The following ERLIN2 variants were observed in gnomAD, a reference collection of about 807,000 sequenced individuals.
ERLIN2 encodes ER lipid raft associated 2.
In ERLIN2, 22 loss-of-function variants were observed where a neutral mutation model predicts 41.5. That is an observed-to-expected ratio of 0.53 (90% confidence interval 0.38 to 0.76). The LOEUF is 0.76. Ranked by LOEUF, ERLIN2 falls within the 30% of genes least tolerant of loss-of-function variation. ERLIN2 has a pLI of 0.00. For synonymous variants in ERLIN2, 149 were observed against 150.9 expected (o/e 0.99, Z 0.09); for missense variants, 247 against 414.3 (o/e 0.60, Z 3.51).
In ERLIN2 at chr8:37,758,331, A is replaced by G. The variant is rs1279377975; in HGVS notation, c.*4216A>G. ...CCAAAGTTCAAATCACTGCTCTACT[A>G]CTTCTTAGGTGTGTGGTCTTGAATA... On this transcript the variant is annotated 3_prime_UTR_variant, in exon 12 of 12. Coordinates refer to ENST00000519638, the MANE Select transcript of ERLIN2 (RefSeq NM_007175.8). 6.6e-6 allele frequency: 1 copy of G among 152,206 alleles called. No individual in the cohort carries two copies. The highest frequency in any genetic ancestry group is 1.5e-5 in the Non-Finnish European group (1 of 68,040). The allele number at this position is 152,206 out of a possible 1,614,324, so 9.4% of individuals were successfully genotyped here.
chr8:37,741,633 T>G lies in ERLIN2; in HGVS notation c.190-139T>G. 1 of 739,992 alleles carries G rather than the reference T, an allele frequency of 1.4e-6. No individual in the cohort carries two copies. Among genetic ancestry groups the G allele is most frequent in the Non-Finnish European group, 2.5e-6 (1 of 406,202 alleles). 45.8% of individuals were successfully genotyped at this position (739,992 alleles called of 1,614,324 possible). ...TTAGCAACCCTGTGAGGAAGGAGGA[T>G]TAGGTGGGGTAATCATGTTTAATGA... On this transcript the variant is annotated intron_variant, in intron 3 of 11. Coordinates refer to ENST00000519638, the MANE Select transcript of ERLIN2 (RefSeq NM_007175.8). This position sits in a 1 kb window ranked among gnomAD's most constrained non-coding sequence, Gnocchi z 4.8.
At chr8:37,746,585 A>G (rs1042096357) in intron 6 of ERLIN2, 2 of 912,026 alleles carry the variant, frequency 2.2e-6, no homozygotes, top group East Asian at 1.2e-4. Flanking sequence ...TTATTAATCT[A>G]TAATGTATCC....
chr8:37,746,570 A>G lies in ERLIN2; in HGVS notation c.424+1874A>G, dbSNP rs762123. The G allele has an allele frequency of 4.2e-6, 4 of 942,010 alleles. No homozygotes were observed. In the African/African-American group the frequency reaches 7.1e-5, roughly 17 times the overall value. The allele number at this position is 942,010 out of a possible 1,614,324, so 58.4% of individuals were successfully genotyped here. ...AACAGATCATTTTGTTTATCTCACT[A>G]TCATTTATTAATCTATAATGTATCC... On this transcript the variant is annotated intron_variant, in intron 6 of 11. Coordinates refer to ENST00000519638, the MANE Select transcript of ERLIN2 (RefSeq NM_007175.8).
intron 4 of ERLIN2, among the ~76,000 whole-genome samples, chr8:37,743,750 A>G (rs1802937433): frequency 6.6e-6 from 1 of 152,182 alleles, no homozygotes; most frequent in Admixed American, 6.5e-5. Context: ...AGTGCTCACC[A>G]AAGTAAAGGA....
intron 2 of ERLIN2, among the ~76,000 whole-genome samples, chr8:37,739,070 TG>T (rs1362673159): frequency 2.6e-5 from 4 of 152,174 alleles, no homozygotes; most frequent in Admixed American, 6.5e-5. Flanking sequence ...TTATAAGTCT[TG>T]GGTTGCTTTC....
At chr8:37,739,763 G>T (rs1227663606) in intron 2 of ERLIN2, among the ~76,000 whole-genome samples, 2 of 151,472 alleles carry the variant, frequency 1.3e-5, no homozygotes, top group African/African-American at 2.4e-5. Flanking sequence ...ACCGCGCCTG[G>T]CCAGACTTTC....
intron 8 of ERLIN2, 93 bp downstream of exon 8, chr8:37,749,945 C>T (rs960102613): frequency 2.4e-5 from 27 of 1,106,280 alleles, no homozygotes; most frequent in Admixed American, 6.8e-5. Flanking sequence ...CCAGGCTTCT[C>T]GGTTATCCCC....
rs1803391320 is a variant in ERLIN2, at chr8:37,757,690, A to T, written c.*3575A>T. ...TGTATCTACTTTTTTATTAAAGTGA[A>T]ATTTAGCAATAGTTAATATTAGGTG... On this transcript the variant is annotated 3_prime_UTR_variant, in exon 12 of 12. Transcript: ENST00000519638. 1 of 152,226 alleles carries T rather than the reference A, an allele frequency of 6.6e-6. No homozygotes were observed. Among genetic ancestry groups the T allele is most frequent in the African/African-American group, 2.4e-5 (1 of 41,462 alleles). 9.4% of individuals were successfully genotyped at this position (152,226 alleles called of 1,614,324 possible).
At chr8:37,749,439 A>G in intron 6 of ERLIN2, 120 bp from the exon 7 acceptor site, 1 of 768,862 alleles carries the variant, frequency 1.3e-6, no homozygotes, top group South Asian at 1.4e-5. Flanking sequence ...TTTGATAAGC[A>G]CACTCCCTTG....
At chr8:37,748,737 T>C (rs1357165993) in intron 6 of ERLIN2, among the ~76,000 whole-genome samples, 1 of 152,132 alleles carries the variant, frequency 6.6e-6, no homozygotes, top group Non-Finnish European at 1.5e-5. Flanking sequence ...TCTAAGCCCC[T>C]CCGGGATCTT....
chr8:37,744,405 T>C lies in ERLIN2; in HGVS notation c.287T>C (p.Val96Ala), dbSNP rs1282877724. 1 of 1,614,030 alleles carries C rather than the reference T, an allele frequency of 6.2e-7. No homozygotes were observed. The highest frequency in any genetic ancestry group is 1.1e-5 in the South Asian group (1 of 91,082). Residue 96 changes from valine (V) to alanine (A), a missense_variant, in exon 5 of 12, where the codon GTC (valine) becomes GCC (alanine). Around this residue, in one of 3 missense-constraint regions of ERLIN2, gnomAD observed 93 missense variants for 139.0 expected, o/e 0.67. Transcript: ENST00000519638. ...AGAATTGAAGTGGTGAACTTCCTGG[T>C]CCCGAACGCAGGTACGTCTTAACAG... ...FDRIEVVNFLVPNAVYDIVKN... is the reference protein window; with the variant it reads ...FDRIEVVNFLAPNAVYDIVKN...
chr8:37,750,239 A>G, intron 8 of ERLIN2, 156 bp from the exon 9 acceptor site: 1 of 689,654 alleles, frequency 1.5e-6, no homozygotes, highest in South Asian at 1.5e-5. Context: ...GTTACTGTCA[A>G]CAACAGATCA....
At chr8:37,743,174 G>A (rs939316674) in intron 4 of ERLIN2, among the ~76,000 whole-genome samples, 1 of 152,198 alleles carries the variant, frequency 6.6e-6, no homozygotes, top group Non-Finnish European at 1.5e-5. Context: ...AACATAAACA[G>A]AAGCAAGGGT....
rs1803170979 is a variant in ERLIN2 at position 37,749,700 on chromosome 8, C to T, written c.498+68C>T. 1.9e-6 allele frequency: 3 copies of T among 1,555,686 alleles called. No homozygotes were observed. In the East Asian group the frequency reaches 6.7e-5, roughly 35 times the overall value. On this transcript the variant is annotated intron_variant, in intron 7 of 11. Coordinates refer to ENST00000519638, the MANE Select transcript of ERLIN2 (RefSeq NM_007175.8). ...TGCTTCCCTTCTCCCAAGGGATGTC[C>T]TTTTTGTGCAGGAAGATCAAGGCCC...
intron 11 of ERLIN2, 99 bp from the exon 12 acceptor site, chr8:37,753,816 G>A: frequency 9.8e-7 from 1 of 1,021,184 alleles, no homozygotes; most frequent in Non-Finnish European, 1.5e-6. Flanking sequence ...ACAAAAAGTA[G>A]GTAGGGGCAT....
chr8:37,754,032 A>G lies in ERLIN2; in HGVS notation c.937A>G (p.Ser313Gly). 1 of 1,614,136 alleles carries G rather than the reference A, an allele frequency of 6.2e-7. No individual in the cohort carries two copies. Among genetic ancestry groups the G allele is most frequent in the Non-Finnish European group, 8.5e-7 (1 of 1,179,978 alleles). The change falls in exon 12 of 12, where the codon AGC becomes GGC. Residue 313 changes from serine (S) to glycine (G), a missense_variant. Ser to Gly is a moderately conservative substitution (Grantham distance 56, BLOSUM62 0). Transcript: ENST00000519638. ...GTTCATGGACTCTGCGGGCAGTGTG[A>G]GCAAGCAGTTTGAGGGGCTAGCTGA... ...NMFMDSAGSVSKQFEGLADKL... is the reference protein window; with the variant it reads ...NMFMDSAGSVGKQFEGLADKL...
chr8:37,742,385 A>G (rs1252847198), intron 4 of ERLIN2, among the ~76,000 whole-genome samples: 2 of 152,072 alleles, frequency 1.3e-5, no homozygotes, highest in Non-Finnish European at 2.9e-5. Context: ...TCACAATAAC[A>G]AAGACATGGA....
intron 9 of ERLIN2, among the ~76,000 whole-genome samples, chr8:37,750,725 T>TC (rs1308020529): frequency 6.6e-6 from 1 of 151,800 alleles, no homozygotes; most frequent in Non-Finnish European, 1.5e-5. Context: ...GTTAATTCTT[T>TC]CTTTTTTTTT....
intron 10 of ERLIN2, 22 bp downstream of exon 10, chr8:37,751,737 G>A: frequency 6.3e-7 from 1 of 1,587,310 alleles, no homozygotes; most frequent in Non-Finnish European, 8.6e-7. Flanking sequence ...TGGCAGTCAT[G>A]CCTGAGTCCT....
Sources: gnomAD v4.1 joint callset for allele counts (sites outside exome capture counted in the v4.1 genomes callset) on GRCh38, gnomAD v4.1.1 for gene constraint, gnomAD v4.1.1 regional missense constraint, Gnocchi (gnomAD v3.1) non-coding constraint, MANE v1.5 for transcripts, NCBI Gene and HGNC (gene_info 2026-07-23, HGNC 2026-07-21) for gene names.